The following AGBL4 variants were observed in gnomAD, a reference collection of about 807,000 sequenced individuals.
AGBL4 encodes cytosolic carboxypeptidase 6.
In AGBL4, 58 loss-of-function variants were observed where a neutral mutation model predicts 66.4. The observed-to-expected ratio is 0.87, with a 90% CI of 0.71 to 1.09. AGBL4 has a LOEUF of 1.09. Among genes scored for constraint, AGBL4 ranks in the 50% least tolerant of loss-of-function variants. The pLI is 0.00. For synonymous variants in AGBL4, 234 were observed against 222.9 expected, an observed-to-expected ratio of 1.05 and a Z score of -0.44; for missense variants, 579 against 631.0, an observed-to-expected ratio of 0.92 and a Z score of 0.88.
intron 2 of AGBL4, among the ~76,000 whole-genome samples, chr1:49,789,247 ATT>A (rs1334493287): frequency 6.6e-6 from 1 of 152,146 alleles, no homozygotes; most frequent in Admixed American, 6.5e-5. Flanking sequence ...ATGTGCCAGT[ATT>A]TTATTGAGGA....
At chr1:49,778,231 C>T (rs1331141533) in intron 2 of AGBL4, among the ~76,000 whole-genome samples, 21 of 152,148 alleles carry the variant, frequency 1.4e-4, no homozygotes, top group Non-Finnish European at 2.9e-5. Flanking sequence ...TCTATGCCAA[C>T]ATGGGCAATC....
At chr1:49,439,209 A>C (rs1321122506) in intron 3 of AGBL4, among the ~76,000 whole-genome samples, 1 of 152,192 alleles carries the variant, frequency 6.6e-6, no homozygotes, top group African/African-American at 2.4e-5. Context: ...GAAAGCAAGG[A>C]AAGGCCAAGT....
intron 5 of AGBL4, among the ~76,000 whole-genome samples, chr1:49,005,928 G>A (rs1006226431): frequency 6.6e-6 from 1 of 152,066 alleles, no homozygotes; most frequent in African/African-American, 2.4e-5. Context: ...TTGAACCTGA[G>A]AGGCAGAGGT....
At chr1:49,216,625 A>G (rs1033845037) in intron 4 of AGBL4, among the ~76,000 whole-genome samples, 3 of 152,122 alleles carry the variant, frequency 2.0e-5, no homozygotes, top group African/African-American at 4.8e-5. Flanking sequence ...TCCATAGTAT[A>G]TATTTCCATA....
rs112336848 is a variant in AGBL4, at chr1:49,237,636, C to T, written c.377+8134G>A. On this transcript the variant is annotated intron_variant, in intron 4 of 13. Coordinates refer to ENST00000371839, the MANE Select transcript of AGBL4 (RefSeq NM_032785.4). Reference sequence around the variant, plus strand: ...ATTTGAGTGAGGTGTAGAAACTCTACCTTATTTTAAGTCCCTTTACCTTTC... The same window carrying T: ...ATTTGAGTGAGGTGTAGAAACTCTATCTTATTTTAAGTCCCTTTACCTTTC... 7.8e-3 allele frequency among the ~76,000 whole-genome samples: 1,132 copies of T among 145,938 alleles called. 15 individuals carry two copies. Among genetic ancestry groups the T allele is most frequent in the African/African-American group, 0.02 (763 of 38,720 alleles).
chr1:48,793,069 C>T (rs924980637), intron 6 of AGBL4, among the ~76,000 whole-genome samples: 6 of 152,190 alleles, frequency 3.9e-5, no homozygotes, highest in African/African-American at 1.4e-4. Context: ...ATCCAATTTA[C>T]ACAATCATTT....
At chr1:49,895,818 G>C (rs1018994757) in intron 1 of AGBL4, among the ~76,000 whole-genome samples, 1 of 150,962 alleles carries the variant, frequency 6.6e-6, no homozygotes, top group Non-Finnish European at 1.5e-5. Context: ...AGGAAAAGAA[G>C]ACCACGAAAC....
At chr1:49,875,924 T>C (rs1234204970) in intron 1 of AGBL4, among the ~76,000 whole-genome samples, 3 of 149,360 alleles carry the variant, frequency 2.0e-5, no homozygotes, top group Non-Finnish European at 3.0e-5. Flanking sequence ...TGAGCATTTT[T>C]TCATGTGTTT....
intron 1 of AGBL4, among the ~76,000 whole-genome samples, chr1:49,921,779 A>G (rs1432783775): frequency 6.6e-6 from 1 of 152,202 alleles, no homozygotes; most frequent in Non-Finnish European, 1.5e-5. Context: ...AGACTAAGCA[A>G]GCCAGCATAT....
rs781087770 is a variant in AGBL4, at chr1:48,634,456, A to G, written c.951+37T>C. 11 of 1,500,122 alleles carry G rather than the reference A, an allele frequency of 7.3e-6. No individual in the cohort carries two copies. The South Asian group carries it at 1.1e-4, about 15-fold the overall frequency. 92.9% of individuals were successfully genotyped at this position (1,500,122 alleles called of 1,614,324 possible). On this transcript the variant is annotated intron_variant, in intron 9 of 13. Transcript: ENST00000371839. The stretch of plus-strand genomic sequence containing the variant: ...ATGCTGCCCTTTCCCAGATCAAGCC[A>G]TAGATCAGCAGCTGTGGAGGGCATT...
intron 3 of AGBL4, among the ~76,000 whole-genome samples, chr1:49,253,375 C>A (rs954666998): frequency 2.0e-5 from 3 of 152,120 alleles, no homozygotes; most frequent in African/African-American, 4.8e-5. Flanking sequence ...TATATATGCA[C>A]CCAACACAGG....
intron 2 of AGBL4, among the ~76,000 whole-genome samples, chr1:49,821,130 T>G (rs563402165): frequency 6.6e-6 from 1 of 152,200 alleles, no homozygotes; most frequent in African/African-American, 2.4e-5. Flanking sequence ...ATAGGCTGAT[T>G]GTGCGGTCCA....
At chr1:48,986,491 G>A (rs1312044226) in intron 5 of AGBL4, among the ~76,000 whole-genome samples, 6 of 151,890 alleles carry the variant, frequency 4.0e-5, no homozygotes, top group South Asian at 2.1e-4. Flanking sequence ...AACAATGCAA[G>A]TGAGATGACA....
chr1:49,539,707 G>GT (rs1651863746), intron 3 of AGBL4, among the ~76,000 whole-genome samples: 1 of 152,046 alleles, frequency 6.6e-6, no homozygotes, highest in Non-Finnish European at 1.5e-5. Flanking sequence ...CCTTTTTTTG[G>GT]TGTGGCCTCT....
chr1:49,874,928 A>G lies in AGBL4; in HGVS notation c.35-23410T>C, dbSNP rs535721746. 2.6e-4 allele frequency among the ~76,000 whole-genome samples: 38 copies of G among 148,714 alleles called. 1 individual carries two copies. The highest frequency in any genetic ancestry group is 2.0e-3 in the Admixed American group (29 of 14,870). On this transcript the variant is annotated intron_variant, in intron 1 of 13. Transcript: ENST00000371839. Reference sequence around the variant, plus strand: ...ACATGCTGGTGTGCTGCACCCACTAACTTGTCATCTAGCATTAGGTATATC... The same window carrying G: ...ACATGCTGGTGTGCTGCACCCACTAGCTTGTCATCTAGCATTAGGTATATC...
intron 6 of AGBL4, among the ~76,000 whole-genome samples, chr1:48,854,642 C>G (rs1422942171): frequency 6.6e-6 from 1 of 152,178 alleles, no homozygotes; most frequent in Non-Finnish European, 1.5e-5. Flanking sequence ...GTTTATCCCC[C>G]AATTTCAGGG....
intron 1 of AGBL4, among the ~76,000 whole-genome samples, chr1:49,864,235 A>C (rs1646645681): frequency 6.6e-6 from 1 of 152,146 alleles, no homozygotes; most frequent in African/African-American, 2.4e-5. Context: ...AGACAAAGAG[A>C]GTAGAAGAAT....
chr1:48,525,351 A>G, the AGBL4 span, among the ~76,000 whole-genome samples: 30 of 152,268 alleles, frequency 2.0e-4, no homozygotes, highest in Admixed American at 1.8e-3. Flanking sequence ...GTCTTGTAGA[A>G]TCAGTAAAAA....
intron 3 of AGBL4, among the ~76,000 whole-genome samples, chr1:49,289,551 C>T (rs568695636): frequency 6.6e-6 from 1 of 152,270 alleles, no homozygotes; most frequent in East Asian, 1.9e-4. Context: ...ATAGTGGTTA[C>T]ATGTCTGTGT....
Sources: gnomAD v4.1 joint callset for allele counts (sites outside exome capture counted in the v4.1 genomes callset) on GRCh38, gnomAD v4.1.1 for gene constraint, MANE v1.5 for transcripts, NCBI Gene and HGNC (gene_info 2026-07-23, HGNC 2026-07-21) for gene names.